Variants in RNF138 observed in about 807,000 individuals in gnomAD.
RNF138 encodes the protein E3 ubiquitin-protein ligase RNF138.
A neutral mutation model predicts 31.0 loss-of-function variants in RNF138; 12 were observed. That is an observed-to-expected ratio of 0.39 (90% CI 0.25 to 0.63). RNF138 has a LOEUF of 0.63. RNF138 is among the 20% of genes least tolerant of loss of function. The pLI, the probability that RNF138 is intolerant of heterozygous loss-of-function variation, is 0.52. For missense variants in RNF138, 192 were observed against 300.1 expected (o/e 0.64, Z 2.66); for synonymous variants, 105 against 99.5 (o/e 1.06, Z -0.33).
intron 6 of RNF138, among the ~76,000 whole-genome samples, chr18:32,125,832 A>T (rs77670909): frequency 1.7e-3 from 259 of 152,324 alleles, no homozygotes; most frequent in African/African-American, 5.7e-3. Flanking sequence ...AAGCTCTCAC[A>T]TACCACCTAA....
intron 2 of RNF138, among the ~76,000 whole-genome samples, chr18:32,102,195 C>CTTTTTTTTTTTT (rs1167535943): frequency 1.6e-4 from 10 of 63,828 alleles, no homozygotes; most frequent in East Asian, 5.6e-4. Context: ...CTTTTAGTTT[C>CTTTTTTTTTTTT]TTTTTTTTTT....
chr18:32,123,556 C>T lies in RNF138; in HGVS notation c.431C>T (p.Thr144Ile), dbSNP rs1217358916. The T allele has an allele frequency of 3.1e-5, 50 of 1,592,158 alleles. No homozygotes were observed. The highest frequency in any genetic ancestry group is 3.9e-5 in the Non-Finnish European group (46 of 1,170,692). Residue 144 changes from threonine to isoleucine, a missense_variant, in exon 5 of 8, where the codon ACT becomes ATT. Around this residue, in one of 2 missense-constraint regions of RNF138, gnomAD observed 140 missense variants for 251.7 expected, o/e 0.56. Coordinates refer to ENST00000261593, the MANE Select transcript of RNF138 (RefSeq NM_016271.5). The stretch of plus-strand genomic sequence containing the variant: ...ACATCCACATCTGATAACACAGAAA[C>T]TTACCAAGAGAATACAAGGTAAGCT... The part of the protein sequence containing the change: ...SETSTSDNTE[T>I]YQENTSSSGH...
intron 4 of RNF138, among the ~76,000 whole-genome samples, chr18:32,116,071 A>G (rs9962021): frequency 0.014 from 2,200 of 152,252 alleles, 53 homozygotes; most frequent in African/African-American, 0.05. Flanking sequence ...GATGATGATG[A>G]TAGGTCCTCA....
chr18:32,124,701 A>G (rs774637962), intron 5 of RNF138, 33 bp from the exon 6 acceptor site: 1 of 1,029,374 alleles, frequency 9.7e-7, no homozygotes, highest in Non-Finnish European at 1.5e-6. Context: ...GTTATTCTGA[A>G]TTAAGTATGT....
At chr18:32,104,290 T>C (rs2039992540) in intron 2 of RNF138, among the ~76,000 whole-genome samples, 1 of 151,796 alleles carries the variant, frequency 6.6e-6, no homozygotes, top group South Asian at 2.1e-4. Context: ...TGAGATTACA[T>C]GCATAAGCCA....
chr18:32,126,364 A>ATATATTGGATATGTTGC (rs2040383470), intron 6 of RNF138, among the ~76,000 whole-genome samples: 1 of 152,246 alleles, frequency 6.6e-6, no homozygotes, highest in African/African-American at 2.4e-5. Context: ...AAATGAGATA[A>ATATATTGGATATGTTGC]TATATTGGAT....
intron 2 of RNF138, among the ~76,000 whole-genome samples, chr18:32,097,968 GTGTGTGTGTTA>G (rs2039843938): frequency 1.1e-5 from 1 of 86,966 alleles, no homozygotes; most frequent in Non-Finnish European, 2.5e-5. Flanking sequence ...GTGTGTGTGT[GTGTGTGTGTTA>G]TTTTTGTTTG....
chr18:32,092,626 C>T (rs1487757147), intron 1 of RNF138, 74 bp from the exon 2 acceptor site: 3 of 641,998 alleles, frequency 4.7e-6, no homozygotes, highest in Admixed American at 2.2e-5. Context: ...CCCCGCCCTA[C>T]CCAGGGCCCC....
chr18:32,105,499 G>T (rs570264526), intron 2 of RNF138, among the ~76,000 whole-genome samples: 2 of 152,322 alleles, frequency 1.3e-5, no homozygotes, highest in South Asian at 4.1e-4. Flanking sequence ...ACGTGACATT[G>T]CAAATGAATG....
intron 2 of RNF138, among the ~76,000 whole-genome samples, chr18:32,095,429 C>T (rs1401839046): frequency 6.6e-6 from 1 of 152,124 alleles, no homozygotes; most frequent in Non-Finnish European, 1.5e-5. Flanking sequence ...GTCTTGGCCT[C>T]CAAAAGTGCT....
chr18:32,120,108 C>T (rs1481326948), intron 4 of RNF138, among the ~76,000 whole-genome samples: 1 of 152,102 alleles, frequency 6.6e-6, no homozygotes, highest in Non-Finnish European at 1.5e-5. Context: ...AAATAGCAGG[C>T]ACCTTTTCTT....
At position 32,091,894 on chromosome 18, in the gene RNF138, C is replaced by G. The variant is rs1245826722; in HGVS notation, c.-419C>G. On this transcript the variant is annotated 5_prime_UTR_variant, in exon 1 of 8. Coordinates refer to ENST00000261593, the MANE Select transcript of RNF138 (RefSeq NM_016271.5). ...AAGGCGCCGTGCGCCGGTTGCTATACAGGCCGCACTTCACACCCCGTGCCT... is the reference window on the plus strand; with the variant it reads ...AAGGCGCCGTGCGCCGGTTGCTATAGAGGCCGCACTTCACACCCCGTGCCT... 1 of 152,152 alleles carries G rather than the reference C, an allele frequency of 6.6e-6. No individual in the cohort carries two copies. The highest frequency in any genetic ancestry group is 1.9e-4 in the East Asian group (1 of 5,138). The allele number at this position is 152,152 out of a possible 1,614,324, so 9.4% of individuals were successfully genotyped here.
intron 2 of RNF138, among the ~76,000 whole-genome samples, chr18:32,098,229 C>G (rs1015729014): frequency 8.5e-5 from 13 of 152,090 alleles, no homozygotes; most frequent in African/African-American, 3.1e-4. Context: ...TGGTTTTGAA[C>G]TCCTGACCTC....
Position 32,092,715 on chromosome 18 carries a change from G to C in RNF138, c.-62G>C, listed in dbSNP as rs1472586992. The stretch of plus-strand genomic sequence containing the variant: ...GTTCATGTAGGGAGTCGGGCCCCGG[G>C]CCGCCACCGTCACCTCGGCCGCTGC... On this transcript the variant is annotated 5_prime_UTR_variant, in exon 2 of 8. Coordinates refer to ENST00000261593, the MANE Select transcript of RNF138 (RefSeq NM_016271.5). The C allele has an allele frequency of 2.9e-6, 3 of 1,047,574 alleles. No homozygotes were observed. The highest frequency in any genetic ancestry group is 4.3e-6 in the Non-Finnish European group (3 of 702,606). The allele number at this position is 1,047,574 out of a possible 1,614,324, so 64.9% of individuals were successfully genotyped here. A position where few individuals can be genotyped will look rare whatever the true frequency, so the allele number is the denominator to read the frequency against.
At chr18:32,105,394 C>T (rs570510583) in intron 2 of RNF138, among the ~76,000 whole-genome samples, 1 of 152,088 alleles carries the variant, frequency 6.6e-6, no homozygotes, top group Admixed American at 6.6e-5. Context: ...CTGGCCAAAT[C>T]GTATGGTGTT....
chr18:32,110,717 G>T (rs1318130530), intron 2 of RNF138, among the ~76,000 whole-genome samples: 1 of 152,124 alleles, frequency 6.6e-6, no homozygotes, highest in African/African-American at 2.4e-5. Context: ...AAGGTATTTG[G>T]TGGGGCTAGA....
chr18:32,093,358 C>A (rs913690944), intron 2 of RNF138, among the ~76,000 whole-genome samples: 6 of 152,186 alleles, frequency 3.9e-5, no homozygotes, highest in Non-Finnish European at 8.8e-5. Context: ...CGCGACCTGC[C>A]CTGCTTTCAA....
intron 2 of RNF138, among the ~76,000 whole-genome samples, chr18:32,099,190 G>T (rs1196768435): frequency 6.6e-6 from 1 of 152,026 alleles, no homozygotes; most frequent in Non-Finnish European, 1.5e-5. Flanking sequence ...GAAGATACGG[G>T]CCTTTTCAGG....
In RNF138 at chr18:32,129,146, T is replaced by C. The variant is rs2144304888; in HGVS notation, c.697T>C (p.Tyr233His). The C allele has an allele frequency of 6.2e-7, 1 of 1,612,518 alleles. No individual in the cohort carries two copies. Among genetic ancestry groups the C allele is most frequent in the East Asian group, 2.2e-5 (1 of 44,782 alleles). Reference sequence around the variant, plus strand: ...TCTTCAGCTAGATGAAGAAACCCAATACCAAACTGCTGTTGAAGAATCTTT... The same window carrying C: ...TCTTCAGCTAGATGAAGAAACCCAACACCAAACTGCTGTTGAAGAATCTTT... ...VNLQLDEETQ[Y>H]QTAVEESFQV... is the part of the protein sequence containing the mutation. The change falls in exon 8 of 8, where the codon TAC (tyrosine) becomes CAC (histidine). Residue 233 changes from tyrosine to histidine, a missense_variant. Tyr to His is a moderately conservative substitution (Grantham distance 83). Coordinates refer to ENST00000261593, the MANE Select transcript of RNF138 (RefSeq NM_016271.5).
Sources: gnomAD v4.1 joint callset for allele counts (sites outside exome capture counted in the v4.1 genomes callset) on GRCh38, gnomAD v4.1.1 for gene constraint, gnomAD v4.1.1 regional missense constraint, MANE v1.5 for transcripts, NCBI Gene and HGNC (gene_info 2026-07-23, HGNC 2026-07-21) for gene names.